The following TMEM117 variants were observed in gnomAD, a reference collection of about 807,000 sequenced individuals.
TMEM117 encodes the protein transmembrane protein 117.
In TMEM117, 27 loss-of-function variants were observed where a neutral mutation model predicts 52.4. The ratio of observed to expected loss-of-function variants is 0.51; its 90% CI spans 0.38 to 0.71. TMEM117 has a LOEUF of 0.71. Ranked by LOEUF, TMEM117 falls within the 30% of genes least tolerant of loss-of-function variation. The pLI, the probability that TMEM117 is intolerant of heterozygous loss-of-function variation, is 0.00. For synonymous variants in TMEM117, 215 were observed against 206.3 expected (o/e 1.04, Z -0.36); for missense variants, 556 against 630.5 (o/e 0.88, Z 1.26).
At chr12:44,032,310 T>G (rs993959158) in intron 3 of TMEM117, among the ~76,000 whole-genome samples, 6 of 152,262 alleles carry the variant, frequency 3.9e-5, no homozygotes, top group Non-Finnish European at 8.8e-5. Context: ...AGAAATATTA[T>G]GTTTTAAGAA....
the TMEM117 span, chr12:43,797,404 T>A: frequency 1.2e-6 from 2 of 1,602,474 alleles, no homozygotes; most frequent in Non-Finnish European, 1.7e-6. Context: ...TTCAGTTCTG[T>A]ATTTGTTGTG....
intron 3 of TMEM117, among the ~76,000 whole-genome samples, chr12:44,065,827 G>GT (rs1408400691): frequency 6.6e-6 from 1 of 152,196 alleles, no homozygotes; most frequent in African/African-American, 2.4e-5. Flanking sequence ...CTACATTAAA[G>GT]TTACCCTTAT....
rs190213036 is a variant in TMEM117, at chr12:44,114,419, T to C, written c.411-29106T>C. ...GTGCTCACCTCTGCATTTAGGACTGTATTTTAGCTTAGTATTGGACAAATG... is the reference window on the plus strand; with the variant it reads ...GTGCTCACCTCTGCATTTAGGACTGCATTTTAGCTTAGTATTGGACAAATG... On this transcript the variant is annotated intron_variant, in intron 3 of 7. Coordinates refer to ENST00000266534, the MANE Select transcript of TMEM117 (RefSeq NM_032256.3). Among the ~76,000 whole-genome samples, 143 of 152,268 alleles carry C rather than the reference T, an allele frequency of 9.4e-4. 1 individual carries two copies. Among genetic ancestry groups the C allele is most frequent in the African/African-American group, 3.1e-3 (130 of 41,564 alleles).
chr12:44,041,685 C>T (rs1213017001), intron 3 of TMEM117, among the ~76,000 whole-genome samples: 1 of 152,112 alleles, frequency 6.6e-6, no homozygotes, highest in Non-Finnish European at 1.5e-5. Flanking sequence ...AAACTTCAGA[C>T]CAATATCCCT....
intron 4 of TMEM117, among the ~76,000 whole-genome samples, chr12:44,182,388 T>G (rs547380747): frequency 1.3e-5 from 2 of 152,302 alleles, no homozygotes; most frequent in African/African-American, 4.8e-5. Flanking sequence ...CTTCCAACAC[T>G]ATGTTGAATA....
At chr12:44,230,672 TC>T (rs1258429879) in intron 5 of TMEM117, among the ~76,000 whole-genome samples, 1 of 152,024 alleles carries the variant, frequency 6.6e-6, no homozygotes, top group Non-Finnish European at 1.5e-5. Context: ...CTATTTACAA[TC>T]ATCAATTGGC....
chr12:44,381,521 A>G (rs964827672), intron 7 of TMEM117, among the ~76,000 whole-genome samples: 4 of 152,162 alleles, frequency 2.6e-5, no homozygotes, highest in African/African-American at 7.2e-5. Context: ...ATTGGTGGCC[A>G]TCATCTGAGT....
chr12:44,100,492 G>A (rs556898122), intron 3 of TMEM117, among the ~76,000 whole-genome samples: 1 of 151,858 alleles, frequency 6.6e-6, no homozygotes, highest in Non-Finnish European at 1.5e-5. Context: ...TTAATGCCAG[G>A]TTCATTCTAT....
chr12:43,969,501 AAC>A (rs1465249047), intron 3 of TMEM117, among the ~76,000 whole-genome samples: 1 of 151,564 alleles, frequency 6.6e-6, no homozygotes, highest in Non-Finnish European at 1.5e-5. Flanking sequence ...CAGCCTGGGC[AAC>A]AGAGTGAGAC....
intron 3 of TMEM117, among the ~76,000 whole-genome samples, chr12:44,006,197 C>G (rs940309027): frequency 6.6e-6 from 1 of 152,180 alleles, no homozygotes; most frequent in African/African-American, 2.4e-5. Context: ...GTGCTTTCTG[C>G]AAAGAAACAG....
intron 3 of TMEM117, among the ~76,000 whole-genome samples, chr12:44,066,599 A>G (rs1325139847): frequency 6.6e-6 from 1 of 152,194 alleles, no homozygotes; most frequent in African/African-American, 2.4e-5. Flanking sequence ...ACTGTAGTCT[A>G]GTTAGTGTGC....
intron 3 of TMEM117, among the ~76,000 whole-genome samples, chr12:44,127,192 CAT>C (rs1351047603): frequency 6.6e-6 from 1 of 152,048 alleles, no homozygotes; most frequent in Non-Finnish European, 1.5e-5. Context: ...AATATTGTGT[CAT>C]ATGTTGATAG....
chr12:43,936,766 G>A (rs1374313545), intron 2 of TMEM117, among the ~76,000 whole-genome samples: 1 of 152,106 alleles, frequency 6.6e-6, no homozygotes, highest in Non-Finnish European at 1.5e-5. Context: ...TATTTATTCC[G>A]GATTTGGGAG....
At chr12:44,194,843 A>G (rs1435965865) in intron 4 of TMEM117, among the ~76,000 whole-genome samples, 2 of 152,154 alleles carry the variant, frequency 1.3e-5, no homozygotes, top group Non-Finnish European at 2.9e-5. Flanking sequence ...TAAAATCTCA[A>G]TTAATCTGAA....
At chr12:43,802,535 G>C in the TMEM117 span, 1 of 1,117,026 alleles carries the variant, frequency 9.0e-7, no homozygotes, top group Non-Finnish European at 1.3e-6. Context: ...ATGAAGACTA[G>C]AAAAATAAAT....
chr12:43,806,111 G>A, the TMEM117 span: 1 of 1,523,280 alleles, frequency 6.6e-7, no homozygotes, highest in Non-Finnish European at 8.8e-7. Context: ...CCGCGAGACC[G>A]ACTTCCGGAG....
At chr12:44,073,175 A>G (rs1947329839) in intron 3 of TMEM117, among the ~76,000 whole-genome samples, 1 of 152,042 alleles carries the variant, frequency 6.6e-6, no homozygotes, top group African/African-American at 2.4e-5. Flanking sequence ...CCTATTCTAT[A>G]TTACAAGCTT....
intron 3 of TMEM117, among the ~76,000 whole-genome samples, chr12:44,065,755 A>G (rs1947212448): frequency 6.6e-6 from 1 of 152,190 alleles, no homozygotes; most frequent in Non-Finnish European, 1.5e-5. Context: ...GATGAGATGA[A>G]GAATCCCACT....
chr12:43,868,288 C>T (rs1306635338), intron 2 of TMEM117, among the ~76,000 whole-genome samples: 1 of 150,044 alleles, frequency 6.7e-6, no homozygotes, highest in Non-Finnish European at 1.5e-5. Context: ...TGCCTGTTAT[C>T]CTAGCACTTT....
Sources: gnomAD v4.1 joint callset for allele counts (sites outside exome capture counted in the v4.1 genomes callset) on GRCh38, gnomAD v4.1.1 for gene constraint, MANE v1.5 for transcripts, NCBI Gene and HGNC (gene_info 2026-07-23, HGNC 2026-07-21) for gene names.